The following SPRY3 variants were observed in gnomAD, a reference collection of about 807,000 sequenced individuals.
The protein encoded by SPRY3 is sprouty RTK signaling antagonist 3.
SPRY3 carries 15 observed loss-of-function variants against 20.2 expected under a neutral mutation model. The ratio of observed to expected loss-of-function variants is 0.74; its 90% CI spans 0.50 to 1.14. SPRY3 has a LOEUF of 1.14. Among genes scored for constraint, SPRY3 ranks in the 50% most tolerant of loss-of-function variants. The pLI, the probability that SPRY3 is intolerant of heterozygous loss-of-function variation, is 0.00. For synonymous variants in SPRY3, 143 were observed against 136.5 expected, an observed-to-expected ratio of 1.05 and a Z score of -0.33; for missense variants, 364 against 363.9, an observed-to-expected ratio of 1.00 and a Z score of 0.00.
chrX:155,772,808 A>C (rs2091389324), intron 3 of SPRY3, among the ~76,000 whole-genome samples: 1 of 152,098 alleles, frequency 6.6e-6, no homozygotes, highest in South Asian at 2.1e-4. Context: ...TAAGAATATC[A>C]CTTTCCTTTA....
At chrX:155,638,788 C>T (rs1018211762) in intron 1 of SPRY3, among the ~76,000 whole-genome samples, 1 of 111,477 alleles carries the variant, frequency 9.0e-6, no homozygotes, top group South Asian at 3.8e-4. Flanking sequence ...CTTTTTCACC[C>T]TACCCTATGT....
intron 2 of SPRY3, among the ~76,000 whole-genome samples, chrX:155,737,868 C>T (rs1255151558): frequency 6.6e-6 from 1 of 152,030 alleles, no homozygotes; most frequent in African/African-American, 2.4e-5. Context: ...AGATTCTCTA[C>T]CTTCAAAATG....
At chrX:155,737,001 T>C (rs1490969622) in intron 2 of SPRY3, among the ~76,000 whole-genome samples, 1 of 152,136 alleles carries the variant, frequency 6.6e-6, no homozygotes, top group Non-Finnish European at 1.5e-5. Context: ...ACATTATGTA[T>C]GTAATAGTGT....
intron 2 of SPRY3, among the ~76,000 whole-genome samples, chrX:155,740,116 C>G (rs1374720889): frequency 6.6e-6 from 1 of 152,122 alleles, no homozygotes; most frequent in Non-Finnish European, 1.5e-5. Context: ...ATATCAGTTC[C>G]CAAAATTAAT....
At chrX:155,745,936 G>A (rs901871625) in intron 2 of SPRY3, among the ~76,000 whole-genome samples, 4 of 151,972 alleles carry the variant, frequency 2.6e-5, no homozygotes, top group African/African-American at 7.2e-5. Context: ...GAATAAGAGC[G>A]AGCGTTACAC....
chrX:155,767,796 A>G (rs2091350105), intron 2 of SPRY3, 166 bp from the exon 2 acceptor site: 1 of 134,536 alleles, frequency 7.4e-6, no homozygotes, highest in Admixed American at 7.7e-5. Flanking sequence ...TGAACAACTT[A>G]CCCTGCTGAG....
At chrX:155,672,397 G>A (rs1408002388) in intron 2 of SPRY3, among the ~76,000 whole-genome samples, 2 of 110,640 alleles carry the variant, frequency 1.8e-5, no homozygotes, top group Non-Finnish European at 1.9e-5. Flanking sequence ...ATCAAAAAGT[G>A]GGCAAAGGAT....
In SPRY3 at chrX:155,692,065, C is replaced by T. The variant is rs1269924294; in HGVS notation, c.-282+35040C>T. 2.8e-5 allele frequency among the ~76,000 whole-genome samples: 3 copies of T among 107,407 alleles called. 1 individual carries two copies. Among genetic ancestry groups the T allele is most frequent in the African/African-American group, 1.0e-4 (3 of 28,837 alleles). The allele number at this position is 107,407 out of a possible 115,157, so 93.3% of individuals were successfully genotyped here. A position where few individuals can be genotyped will look rare whatever the true frequency, so the allele number is the denominator to read the frequency against. On this transcript the variant is annotated intron_variant, in intron 2 of 3. Transcript: ENST00000675360. ...GAAAGATAACTATTACATATTCTTA[C>T]TCATATTGGGAGCTTAAAAAATGAA...
intron 3 of SPRY3, among the ~76,000 whole-genome samples, chrX:155,771,714 T>G (rs2091382907): frequency 6.6e-6 from 1 of 152,138 alleles, no homozygotes; most frequent in Admixed American, 6.5e-5. Context: ...GCCAGTTCCT[T>G]TCCAATGCTG....
At chrX:155,735,696 G>T (rs760813327) in intron 2 of SPRY3, among the ~76,000 whole-genome samples, 1 of 151,638 alleles carries the variant, frequency 6.6e-6, no homozygotes, top group Admixed American at 6.6e-5. Flanking sequence ...AATATATCTG[G>T]GTCTTTATAT....
chrX:155,734,019 G>A (rs190426287), intron 2 of SPRY3, among the ~76,000 whole-genome samples: 2 of 152,202 alleles, frequency 1.3e-5, no homozygotes, highest in African/African-American at 2.4e-5. Flanking sequence ...AACGTTCTCC[G>A]GATAAGCAAT....
chrX:155,616,260 C>T (rs930594701), intron 1 of SPRY3, among the ~76,000 whole-genome samples: 65 of 109,081 alleles, frequency 6.0e-4, no homozygotes, highest in African/African-American at 2.0e-3. Context: ...GATACGGTTA[C>T]GGACACCTTC....
At chrX:155,700,698 G>C (rs2068134788) in intron 2 of SPRY3, among the ~76,000 whole-genome samples, 1 of 68,117 alleles carries the variant, frequency 1.5e-5, no homozygotes, top group South Asian at 6.9e-4. Flanking sequence ...TGCCATGCTG[G>C]TGCGCTGCAC....
At chrX:155,735,753 T>G (rs145669230) in intron 2 of SPRY3, among the ~76,000 whole-genome samples, 1 of 152,132 alleles carries the variant, frequency 6.6e-6, no homozygotes, top group African/African-American at 2.4e-5. Context: ...TCTTTGTTTT[T>G]TATCCACTGT....
intron 2 of SPRY3, among the ~76,000 whole-genome samples, chrX:155,676,419 C>T (rs1460969028): frequency 2.7e-5 from 3 of 111,188 alleles, no homozygotes; most frequent in African/African-American, 9.8e-5. Context: ...AGATTTTAAT[C>T]TCACTTCCCT....
intron 2 of SPRY3, among the ~76,000 whole-genome samples, chrX:155,764,378 T>C (rs2091316207): frequency 6.6e-6 from 1 of 152,210 alleles, no homozygotes; most frequent in South Asian, 2.1e-4. Flanking sequence ...TGGCAATACA[T>C]AGTGAGTTTT....
intron 2 of SPRY3, among the ~76,000 whole-genome samples, chrX:155,758,239 G>C (rs1267347516): frequency 6.6e-6 from 1 of 152,070 alleles, no homozygotes; most frequent in Non-Finnish European, 1.5e-5. Context: ...CTTACCTTAA[G>C]TATGTACTCC....
chrX:155,764,795 A>C (rs1380506744), intron 2 of SPRY3, among the ~76,000 whole-genome samples: 3 of 152,204 alleles, frequency 2.0e-5, no homozygotes, highest in Non-Finnish European at 4.4e-5. Flanking sequence ...CTTTTCCTGC[A>C]ATAAGTGACT....
chrX:155,781,055 T>TG (rs2091460156), downstream of SPRY3: 1 of 14,528 alleles, frequency 6.9e-5, no homozygotes, highest in Non-Finnish European at 3.9e-4. Flanking sequence ...TTCTATGGGG[T>TG]GGGGGGTCGG....
Sources: gnomAD v4.1 joint callset for allele counts (sites outside exome capture counted in the v4.1 genomes callset) on GRCh38, gnomAD v4.1.1 for gene constraint, MANE v1.5 for transcripts, NCBI Gene and HGNC (gene_info 2026-07-23, HGNC 2026-07-21) for gene names.